Variants in CELSR1 observed in about 807,000 individuals in gnomAD.
CELSR1 encodes the protein adhesion G protein-coupled receptor C1.
Under a neutral mutation model 249.1 loss-of-function variants are expected in CELSR1, and 110 were observed. The observed-to-expected ratio is 0.44, with a 90% CI of 0.38 to 0.52. CELSR1 has a LOEUF of 0.52. Among genes scored for constraint, CELSR1 ranks in the 20% least tolerant of loss-of-function variants. CELSR1 has a pLI of 0.00. For synonymous variants in CELSR1, 2,113 were observed against 1,900.0 expected (o/e 1.11, Z -2.92); for missense variants, 4,109 against 4,296.4 (o/e 0.96, Z 1.22).
chr22:46,367,663 C>T (rs2078800905), intron 28 of CELSR1, 66 bp downstream of exon 28: 2 of 1,546,600 alleles, frequency 1.3e-6, no homozygotes, highest in Non-Finnish European at 8.7e-7. Flanking sequence ...TCCACTGCTT[C>T]GCATCACAGC....
At chr22:46,461,890 A>G (rs569950126) in intron 2 of CELSR1, among the ~76,000 whole-genome samples, 2 of 152,318 alleles carry the variant, frequency 1.3e-5, no homozygotes, top group South Asian at 4.1e-4. Flanking sequence ...GGCCACTGCT[A>G]CATCCAAGCT....
chr22:46,433,558 G>C lies in CELSR1; in HGVS notation c.4523-77C>G. 5.4e-6 allele frequency: 6 copies of C among 1,115,710 alleles called. No homozygotes were observed. The highest frequency in any genetic ancestry group is 6.6e-6 in the Non-Finnish European group (5 of 753,902). The allele number at this position is 1,115,710 out of a possible 1,614,324, so 69.1% of individuals were successfully genotyped here. ...CTGGGGACCGAGGATTGCGCTGTGA[G>C]GCATCAGGGGGAGACAGGTGCACAT... On this transcript the variant is annotated intron_variant, in intron 4 of 34. Coordinates refer to ENST00000674500, the MANE Select transcript of CELSR1 (RefSeq NM_001378328.1). This position sits in a 1 kb window ranked among gnomAD's most constrained non-coding sequence, Gnocchi z 5.7.
rs1242214912 is a variant in CELSR1, at chr22:46,398,886, G to C, written c.5413-249C>G. Among the ~76,000 whole-genome samples, 1 of 152,194 alleles carries C rather than the reference G, an allele frequency of 6.6e-6. No individual in the cohort carries two copies. The highest frequency in any genetic ancestry group is 2.4e-5 in the African/African-American group (1 of 41,446). Reference sequence around the variant, plus strand: ...CCCAGCCTAGCTGAGGCGGCCAGTGGGGTCAACGTGGGCAACTGTCCCGCC... The same window carrying C: ...CCCAGCCTAGCTGAGGCGGCCAGTGCGGTCAACGTGGGCAACTGTCCCGCC... On this transcript the variant is annotated intron_variant, in intron 10 of 34. Transcript: ENST00000674500. This position sits in a 1 kb window ranked among gnomAD's most constrained non-coding sequence, Gnocchi z 7.2.
intron 33 of CELSR1, 89 bp downstream of exon 33, chr22:46,364,423 C>T: frequency 2.0e-6 from 3 of 1,504,404 alleles, no homozygotes; most frequent in South Asian, 1.3e-5. Context: ...CTTGCCCCAC[C>T]AGCCCCAGCC....
rs1421071577 is a variant in CELSR1 at position 46,471,634 on chromosome 22, G to A, written c.3545-7289C>T. ...TGGTCTCACACTCCTGGCCTCAAGC[G>A]ATCCTCCCACCTCAGCCTCCCAAAG... On this transcript the variant is annotated intron_variant, in intron 1 of 34. Coordinates refer to ENST00000674500, the MANE Select transcript of CELSR1 (RefSeq NM_001378328.1). The surrounding 1 kb of genome is among the most constrained non-coding windows in gnomAD (Gnocchi z 4.9). Among the ~76,000 whole-genome samples, 2 of 152,160 alleles carry A rather than the reference G, an allele frequency of 1.3e-5. No homozygotes were observed. Among genetic ancestry groups the A allele is most frequent in the East Asian group, 1.9e-4 (1 of 5,192 alleles).
At position 46,381,044 on chromosome 22, in the gene CELSR1, T is replaced by C. The variant is rs1345733493; in HGVS notation, c.7089-89A>G. 7.3e-7 allele frequency: 1 copy of C among 1,367,630 alleles called. No individual in the cohort carries two copies. The highest frequency in any genetic ancestry group is 1.4e-5 in the African/African-American group (1 of 69,284). The allele number at this position is 1,367,630 out of a possible 1,614,324, so 84.7% of individuals were successfully genotyped here. On this transcript the variant is annotated intron_variant, in intron 21 of 34. Coordinates refer to ENST00000674500, the MANE Select transcript of CELSR1 (RefSeq NM_001378328.1). This position sits in a 1 kb window ranked among gnomAD's most constrained non-coding sequence, Gnocchi z 6.0. ...GCACAAATGCCCTGAGGACACGCCATGATGTGTTTCTAGGGGAGACAGAAT... is the reference window on the plus strand; with the variant it reads ...GCACAAATGCCCTGAGGACACGCCACGATGTGTTTCTAGGGGAGACAGAAT...
At chr22:46,462,835 T>A (rs897466975) in intron 2 of CELSR1, 1 of 420,252 alleles carries the variant, frequency 2.4e-6, no homozygotes, top group Non-Finnish European at 4.8e-6. Flanking sequence ...GTTGGCTACA[T>A]TTGGAGTAAT....
chr22:46,536,474 C>T lies in CELSR1; in HGVS notation c.697G>A (p.Ala233Thr), dbSNP rs1319871491. ...CCTCTGCCGCTCGTGCCCCGCCGGGCCCGTCGCGCCGGCCCCGCCCGGGCT... is the reference window on the plus strand; with the variant it reads ...CCTCTGCCGCTCGTGCCCCGCCGGGTCCGTCGCGCCGGCCCCGCCCGGGCT... ...PEARAGPARR[A>T]RRGTSGRGSL... The change falls in exon 1 of 35, where the codon GCC becomes ACC. Residue 233 changes from alanine (A) to threonine (T), a missense_variant. By Grantham distance (58) the Ala-to-Thr change is moderately conservative (BLOSUM62 0). Around this residue, in one of 7 missense-constraint regions of CELSR1, gnomAD observed 673 missense variants for 636.8 expected, o/e 1.06. Coordinates refer to ENST00000674500, the MANE Select transcript of CELSR1 (RefSeq NM_001378328.1). The T allele has an allele frequency of 1.2e-6, 2 of 1,604,444 alleles. No individual in the cohort carries two copies. Among genetic ancestry groups the T allele is most frequent in the South Asian group, 1.1e-5 (1 of 90,510 alleles).
chr22:46,395,638 GTCACAGCCGGGA>G lies in CELSR1; in HGVS notation c.5843+955_5843+966del, dbSNP rs1447826782. ...GCACAGGCTGCTTCCCACTCATGGG[GTCACAGCCGGGA>G]TCACAGCACCTGCTCTAGGCTCGGG... On this transcript the variant is annotated intron_variant, in intron 13 of 34. Coordinates refer to ENST00000674500, the MANE Select transcript of CELSR1 (RefSeq NM_001378328.1). This position sits in a 1 kb window ranked among gnomAD's most constrained non-coding sequence, Gnocchi z 5.5. Among the ~76,000 whole-genome samples the G allele has an allele frequency of 1.3e-5, 2 of 152,176 alleles. No individual in the cohort carries two copies. The highest frequency in any genetic ancestry group is 2.9e-5 in the Non-Finnish European group (2 of 68,034).
intron 1 of CELSR1, among the ~76,000 whole-genome samples, chr22:46,478,870 TA>T (rs891084402): frequency 4.5e-4 from 68 of 151,872 alleles, no homozygotes; most frequent in Admixed American, 2.6e-3. Flanking sequence ...GACGTCTTAG[TA>T]AACACAGCAA....
intron 2 of CELSR1, among the ~76,000 whole-genome samples, chr22:46,456,939 C>G (rs1040976624): frequency 1.3e-5 from 2 of 151,984 alleles, no homozygotes; most frequent in Non-Finnish European, 2.9e-5. Context: ...ATTGTCCCAG[C>G]CTAGGGAGTT....
intron 1 of CELSR1, among the ~76,000 whole-genome samples, chr22:46,520,416 T>A (rs966923985): frequency 1.2e-4 from 2 of 16,702 alleles, no homozygotes; most frequent in African/African-American, 1.8e-4. Context: ...CCTTCTAGCA[T>A]TTTTTTCTTG....
At position 46,488,453 on chromosome 22, in the gene CELSR1, G is replaced by A. The variant is rs1025129937; in HGVS notation, c.3545-24108C>T. On this transcript the variant is annotated intron_variant, in intron 1 of 34. Transcript: ENST00000674500. The surrounding 1 kb of genome is among the most constrained non-coding windows in gnomAD (Gnocchi z 4.7). ...AGTGCCATAGAGCGTGCACCTAGGC[G>A]TGCGTGCCAGTGAGCTCAGTGGGAC... Among the ~76,000 whole-genome samples the A allele has an allele frequency of 2.0e-5, 3 of 152,174 alleles. No individual in the cohort carries two copies. The highest frequency in any genetic ancestry group is 4.1e-4 in the South Asian group (2 of 4,834).
Position 46,390,749 on chromosome 22 carries a change from C to T in CELSR1, c.6251-263G>A, listed in dbSNP as rs918899895. On this transcript the variant is annotated intron_variant, in intron 16 of 34. Transcript: ENST00000674500. The surrounding 1 kb of genome is among the most constrained non-coding windows in gnomAD (Gnocchi z 6.3). ...CGAGCAAGTCCGTGAGGAAAGAAAT[C>T]AGCAACACCATCTGCCGGCAGCCAC... Among the ~76,000 whole-genome samples, 1 of 152,220 alleles carries T rather than the reference C, an allele frequency of 6.6e-6. No individual in the cohort carries two copies. The highest frequency in any genetic ancestry group is 1.5e-5 in the Non-Finnish European group (1 of 68,036).
chr22:46,456,640 G>T (rs1212876238), intron 2 of CELSR1, among the ~76,000 whole-genome samples: 1 of 140,946 alleles, frequency 7.1e-6, no homozygotes, highest in Non-Finnish European at 1.5e-5. Context: ...TTCAGCCTGG[G>T]CGACAGAGCG....
intron 30 of CELSR1, 90 bp downstream of exon 30, chr22:46,366,296 G>C: frequency 9.8e-7 from 1 of 1,017,266 alleles, no homozygotes; most frequent in Non-Finnish European, 1.4e-6. Context: ...GGTGATGTTG[G>C]TTGAATGGCA....
chr22:46,514,129 G>A (rs938691351), intron 1 of CELSR1, among the ~76,000 whole-genome samples: 7 of 152,090 alleles, frequency 4.6e-5, no homozygotes, highest in Middle Eastern at 3.4e-3. Flanking sequence ...TACTTGTCTT[G>A]TCTACACTTT....
intron 2 of CELSR1, among the ~76,000 whole-genome samples, chr22:46,453,225 G>T (rs553438042): frequency 3.7e-4 from 56 of 152,294 alleles, no homozygotes; most frequent in Non-Finnish European, 6.8e-4. Flanking sequence ...TGCCCGGTGC[G>T]TTCGTTATCA....
rs1323727470 is a variant in CELSR1 at position 46,369,730 on chromosome 22, T to G, written c.7834A>C (p.Ile2612Leu). Residue 2612 changes from isoleucine (I) to leucine (L), a missense_variant, in exon 26 of 35, where the codon ATT (isoleucine) becomes CTT (leucine). Coordinates refer to ENST00000674500, the MANE Select transcript of CELSR1 (RefSeq NM_001378328.1). ...CCGATGGGCCCCGCAAAGCTCCAAATCAGGGTGTCTTGAAGCGACAGCCAG... is the reference window on the plus strand; with the variant it reads ...CCGATGGGCCCCGCAAAGCTCCAAAGCAGGGTGTCTTGAAGCGACAGCCAG... ...FCWLSLQDTL[I>L]WSFAGPIGAV... is the part of the protein sequence containing the mutation. The G allele has an allele frequency of 6.2e-7, 1 of 1,613,280 alleles. No individual in the cohort carries two copies. Among genetic ancestry groups the G allele is most frequent in the African/African-American group, 1.3e-5 (1 of 74,876 alleles).
Sources: gnomAD v4.1 joint callset for allele counts (sites outside exome capture counted in the v4.1 genomes callset) on GRCh38, gnomAD v4.1.1 for gene constraint, gnomAD v4.1.1 regional missense constraint, Gnocchi (gnomAD v3.1) non-coding constraint, MANE v1.5 for transcripts, NCBI Gene and HGNC (gene_info 2026-07-23, HGNC 2026-07-21) for gene names.